Variants in NAV3 observed in about 807,000 individuals in gnomAD.
NAV3 encodes neuron navigator 3.
Under a neutral mutation model 244.7 loss-of-function variants are expected in NAV3, and 87 were observed. The ratio of observed to expected loss-of-function variants is 0.36; its 90% CI spans 0.30 to 0.42. The LOEUF (loss-of-function observed/expected upper bound fraction) is 0.42. NAV3 is among the 20% of genes least tolerant of loss of function. The pLI, the probability that NAV3 is intolerant of heterozygous loss-of-function variation, is 1.00. For missense variants in NAV3, 2,663 were observed against 2,893.3 expected, an observed-to-expected ratio of 0.92 and a Z score of 1.83; for synonymous variants, 1,126 against 1,042.2, an observed-to-expected ratio of 1.08 and a Z score of -1.55.
At chr12:77,578,177 G>A (rs1440449132) in intron 2 of NAV3, among the ~76,000 whole-genome samples, 1 of 152,144 alleles carries the variant, frequency 6.6e-6, no homozygotes, top group Non-Finnish European at 1.5e-5. Context: ...TTGATTTTCT[G>A]AGTATATTCT....
At chr12:77,652,433 A>C (rs539546603) in intron 2 of NAV3, among the ~76,000 whole-genome samples, 1 of 152,324 alleles carries the variant, frequency 6.6e-6, no homozygotes, top group Admixed American at 6.5e-5. Context: ...ATTTTAAAGA[A>C]ACATTTTAAT....
chr12:77,996,300 A>G (rs4761407), intron 6 of NAV3, among the ~76,000 whole-genome samples: 56,759 of 151,954 alleles, frequency 0.37, 11,388 homozygotes, highest in South Asian at 0.44. Context: ...ACAGAGTGCA[A>G]TCACTGGTCC....
intron 1 of NAV3, among the ~76,000 whole-genome samples, chr12:77,883,259 G>A (rs1882884070): frequency 2.0e-5 from 3 of 152,120 alleles, no homozygotes; most frequent in Non-Finnish European, 4.4e-5. Flanking sequence ...ATACTATGCT[G>A]CTATAAAAAG....
rs182624251 is a variant in NAV3 at position 77,735,407 on chromosome 12, A to G, written c.72+163141A>G. Among the ~76,000 whole-genome samples, 7 of 152,242 alleles carry G rather than the reference A, an allele frequency of 4.6e-5. No homozygotes were observed. In the East Asian group the frequency reaches 1.2e-3, roughly 25 times the overall value. ...AATTAGTTAACATAAAGAGGAATGT[A>G]GGTCACTGCTCACACTAGGAGCTCA... On this transcript the variant is annotated intron_variant, in intron 2 of 8. Transcript: ENST00000550042.
intron 20 of NAV3, among the ~76,000 whole-genome samples, chr12:78,146,110 C>A (rs1956852725): frequency 6.6e-6 from 1 of 151,908 alleles, no homozygotes; most frequent in Admixed American, 6.6e-5. Flanking sequence ...TTAATTCTGT[C>A]TTTTGCTTAA....
intron 2 of NAV3, among the ~76,000 whole-genome samples, chr12:77,615,907 T>C (rs1871127287): frequency 6.6e-6 from 1 of 152,168 alleles, no homozygotes; most frequent in African/African-American, 2.4e-5. Flanking sequence ...GAGTTATCCA[T>C]TTGTACACTA....
At chr12:77,580,410 C>A (rs1869308860) in intron 2 of NAV3, among the ~76,000 whole-genome samples, 1 of 152,102 alleles carries the variant, frequency 6.6e-6, no homozygotes, top group Non-Finnish European at 1.5e-5. Context: ...CTGCTGGTTC[C>A]CTGGAGAGAG....
intron 2 of NAV3, among the ~76,000 whole-genome samples, chr12:77,771,518 T>C (rs1482322235): frequency 1.3e-5 from 2 of 152,316 alleles, no homozygotes; most frequent in Admixed American, 6.5e-5. Flanking sequence ...CCAACCCAAA[T>C]GTCCCACAAT....
At chr12:78,120,699 T>A (rs963708200) in intron 15 of NAV3, among the ~76,000 whole-genome samples, 2 of 152,170 alleles carry the variant, frequency 1.3e-5, no homozygotes, top group Admixed American at 6.5e-5. Flanking sequence ...GGTAGGAAAA[T>A]AAATGCAGTT....
At chr12:77,929,820 T>TTTTTTTTTTTAGTA (rs1888603923) in intron 1 of NAV3, among the ~76,000 whole-genome samples, 1 of 115,818 alleles carries the variant, frequency 8.6e-6, no homozygotes, top group Non-Finnish European at 1.8e-5. Context: ...TTTTTTTTTT[T>TTTTTTTTTTTAGTA]GTATTTTTAG....
At chr12:77,646,261 A>G (rs539745207) in intron 2 of NAV3, among the ~76,000 whole-genome samples, 1 of 152,258 alleles carries the variant, frequency 6.6e-6, no homozygotes, top group African/African-American at 2.4e-5. Context: ...ATTAAAAGCA[A>G]TAGGAAGCAG....
At position 78,211,443 on chromosome 12, in the gene NAV3, T is replaced by C. The variant is rs373442252; in HGVS notation, c.*926T>C. On this transcript the variant is annotated 3_prime_UTR_variant, in exon 40 of 40. Coordinates refer to ENST00000397909, the MANE Select transcript of NAV3 (RefSeq NM_001024383.2). ...TACAACCAAGCAACACCAGTTAACATAGTAGCCTCATCTCTATATATCTTT... is the reference window on the plus strand; with the variant it reads ...TACAACCAAGCAACACCAGTTAACACAGTAGCCTCATCTCTATATATCTTT... 6.6e-6 allele frequency: 1 copy of C among 152,154 alleles called. No homozygotes were observed. The allele number at this position is 152,154 out of a possible 1,614,324, so 9.4% of individuals were successfully genotyped here. A position where few individuals can be genotyped will look rare whatever the true frequency, so the allele number is the denominator to read the frequency against.
chr12:77,808,960 C>G (rs897225958), intron 2 of NAV3, among the ~76,000 whole-genome samples: 1 of 152,120 alleles, frequency 6.6e-6, no homozygotes, highest in Admixed American at 6.5e-5. Context: ...TTTCCGGTGG[C>G]TTTTTTTACA....
chr12:77,803,295 A>T (rs1871810971), intron 2 of NAV3, among the ~76,000 whole-genome samples: 1 of 151,938 alleles, frequency 6.6e-6, no homozygotes, highest in Non-Finnish European at 1.5e-5. Context: ...ATCCCCCAAC[A>T]GGCCCTGGTG....
intron 1 of NAV3, among the ~76,000 whole-genome samples, chr12:77,887,894 T>A (rs1331443935): frequency 6.6e-6 from 1 of 152,146 alleles, no homozygotes; most frequent in African/African-American, 2.4e-5. Flanking sequence ...TTTTAAATCA[T>A]GTTATTGTAA....
At chr12:77,588,943 G>A (rs1869772419) in intron 2 of NAV3, among the ~76,000 whole-genome samples, 1 of 152,166 alleles carries the variant, frequency 6.6e-6, no homozygotes, top group Admixed American at 6.5e-5. Flanking sequence ...TGGTCTGAAT[G>A]TTAGGACTGG....
chr12:78,142,637 G>A (rs1034706779), intron 20 of NAV3, among the ~76,000 whole-genome samples: 1 of 145,524 alleles, frequency 6.9e-6, no homozygotes, highest in African/African-American at 2.5e-5. Flanking sequence ...ATATGAAATG[G>A]GAACACAGAT....
chr12:77,579,755 C>G lies in NAV3; in HGVS notation c.72+7489C>G, dbSNP rs568949275. Among the ~76,000 whole-genome samples the G allele has an allele frequency of 1.2e-4, 19 of 152,270 alleles. No homozygotes were observed. The South Asian group carries it at 2.9e-3, about 23-fold the overall frequency. The stretch of plus-strand genomic sequence containing the variant: ...TTCACTCAAGACCTGATGAAACTAG[C>G]AATGTCTTTGGGAAGATCCAGTAAA... On this transcript the variant is annotated intron_variant, in intron 2 of 8. Transcript: ENST00000550042.
intron 1 of NAV3, among the ~76,000 whole-genome samples, chr12:77,837,312 A>C (rs1019912713): frequency 3.9e-5 from 6 of 151,934 alleles, no homozygotes; most frequent in Admixed American, 1.3e-4. Context: ...CATAATATTT[A>C]TGGAAAACAG....
Sources: allele counts gnomAD v4.1 joint callset (sites outside exome capture counted in the v4.1 genomes callset), GRCh38; gene constraint gnomAD v4.1.1; transcripts MANE v1.5; gene names NCBI Gene and HGNC (gene_info 2026-07-23, HGNC 2026-07-21).